Variants in POLR1E observed in about 807,000 individuals in gnomAD.
POLR1E encodes the protein RNA polymerase I subunit E.
Under a neutral mutation model 50.9 loss-of-function variants are expected in POLR1E, and 37 were observed. That is an observed-to-expected ratio of 0.73 (90% CI 0.56 to 0.96). The LOEUF is 0.96. POLR1E is among the 40% of genes least tolerant of loss of function. The probability of loss-of-function intolerance (pLI) is 0.00; values close to 1 mark genes in which losing one functional copy is unlikely to be tolerated. For missense variants in POLR1E, 426 were observed against 518.1 expected (o/e 0.82, Z 1.73); for synonymous variants, 166 against 191.6 (o/e 0.87, Z 1.10).
chr9:37,486,882 G>C, intron 2 of POLR1E, 76 bp downstream of exon 2: 4 of 1,507,260 alleles, frequency 2.7e-6, no homozygotes, highest in Non-Finnish European at 3.5e-6. Flanking sequence ...ATGTGGGAGG[G>C]AGTGAGGGGA....
Position 37,498,184 on chromosome 9 carries a change from C to T in POLR1E, c.846C>T (p.Thr282=), listed in dbSNP as rs369179821. 3.7e-6 allele frequency: 6 copies of T among 1,613,728 alleles called. No individual in the cohort carries two copies. The African/African-American group carries it at 6.7e-5, about 18-fold the overall frequency. ...RQARCIWFLD[T]LIKFRAHRVV... ...CCCGATGCATATGGTTTCTGGATAC[C>T]CTCATCAAATTTCGAGCTCATAGGG... Residue 282 remains threonine (T), a synonymous_variant, in exon 9 of 12, where the codon ACC becomes ACT. Coordinates refer to ENST00000377798, the MANE Select transcript of POLR1E (RefSeq NM_022490.4).
At chr9:37,486,371 C>T (rs1820574702) in intron 1 of POLR1E, 1 of 1,483,590 alleles carries the variant, frequency 6.7e-7, no homozygotes, top group Non-Finnish European at 9.0e-7. Context: ...GACCCCCTCA[C>T]CCACCAGGTC....
At chr9:37,495,421 G>T (rs117190757) in intron 7 of POLR1E, 145 bp downstream of exon 7, 1 of 704,152 alleles carries the variant, frequency 1.4e-6, no homozygotes, top group Non-Finnish European at 2.5e-6. Context: ...CAGTGCTCTT[G>T]CCAGGAGGTT....
Position 37,498,205 on chromosome 9 carries a change from T to C in POLR1E, c.867T>C (p.His289=), listed in dbSNP as rs1820819300. The C allele has an allele frequency of 6.2e-7, 1 of 1,611,252 alleles. No homozygotes were observed. Among genetic ancestry groups the C allele is most frequent in the African/African-American group, 1.3e-5 (1 of 74,822 alleles). Residue 289 remains histidine (H), a synonymous_variant, in exon 9 of 12, where the codon CAT becomes CAC. Coordinates refer to ENST00000377798, the MANE Select transcript of POLR1E (RefSeq NM_022490.4). ...ATACCCTCATCAAATTTCGAGCTCATAGGGTAGTTAAGCGGAAAAGTAAGT... is the reference window on the plus strand; with the variant it reads ...ATACCCTCATCAAATTTCGAGCTCACAGGGTAGTTAAGCGGAAAAGTAAGT... ...FLDTLIKFRA[H]RVVKRKSALG...
intron 5 of POLR1E, among the ~76,000 whole-genome samples, chr9:37,492,962 G>A (rs185726336): frequency 6.6e-6 from 1 of 152,150 alleles, no homozygotes; most frequent in African/African-American, 2.4e-5. Flanking sequence ...CGGTTCTCTG[G>A]GCTGATACAA....
chr9:37,488,140 C>T (rs549437429), intron 3 of POLR1E, among the ~76,000 whole-genome samples: 1 of 152,328 alleles, frequency 6.6e-6, no homozygotes, highest in Non-Finnish European at 1.5e-5. Flanking sequence ...ACTTGAATTT[C>T]CTAAAAACCT....
chr9:37,488,029 T>C (rs1588798162), intron 3 of POLR1E, 90 bp downstream of exon 3: 1 of 1,328,540 alleles, frequency 7.5e-7, no homozygotes, highest in African/African-American at 1.4e-5. Flanking sequence ...GTTTTAAGGG[T>C]AGCAGGAGCC....
intron 9 of POLR1E, among the ~76,000 whole-genome samples, chr9:37,500,031 A>G (rs958707355): frequency 6.6e-5 from 10 of 151,360 alleles, no homozygotes; most frequent in African/African-American, 2.2e-4. Flanking sequence ...TTGTATTTTT[A>G]GTAGAGACGG....
rs1820929663 is a variant in POLR1E, at chr9:37,503,418, G to A, written c.*216G>A. The A allele has an allele frequency of 1.2e-5, 5 of 422,260 alleles. No individual in the cohort carries two copies. The highest frequency in any genetic ancestry group is 2.1e-5 in the African/African-American group (1 of 47,452). The allele number at this position is 422,260 out of a possible 1,614,324, so 26.2% of individuals were successfully genotyped here. ...ATAGGGAGACCCCATCTCTACCGGA[G>A]GAAAAAAAAAAGAGTCAGGCCTGGT... On this transcript the variant is annotated 3_prime_UTR_variant, in exon 12 of 12. Transcript: ENST00000377798.
In POLR1E at chr9:37,498,156, A is replaced by T. The variant is rs764022316; in HGVS notation, c.818A>T (p.Gln273Leu). The T allele has an allele frequency of 6.2e-7, 1 of 1,614,076 alleles. No individual in the cohort carries two copies. The highest frequency in any genetic ancestry group is 8.5e-7 in the Non-Finnish European group (1 of 1,179,926). The stretch of plus-strand genomic sequence containing the variant: ...TCAGATGTGGAGAGCCGAGACCGCC[A>T]GGCCCGATGCATATGGTTTCTGGAT... ...LPSDVESRDRQARCIWFLDTL... is the reference protein window; with the variant it reads ...LPSDVESRDRLARCIWFLDTL... Residue 273 changes from glutamine to leucine, a missense_variant, in exon 9 of 12, where the codon CAG (glutamine) becomes CTG (leucine). By Grantham distance (113) the Gln-to-Leu change is moderately radical. Coordinates refer to ENST00000377798, the MANE Select transcript of POLR1E (RefSeq NM_022490.4).
At chr9:37,486,261 C>A in intron 1 of POLR1E, 138 bp downstream of exon 1, 1 of 1,276,768 alleles carries the variant, frequency 7.8e-7, no homozygotes, top group Non-Finnish European at 1.1e-6. Flanking sequence ...CTCCCCTGGG[C>A]TCTGTCAGGG....
intron 8 of POLR1E, among the ~76,000 whole-genome samples, chr9:37,496,613 A>ATTTTTTT (rs1321205467): frequency 1.6e-5 from 1 of 63,838 alleles, no homozygotes; most frequent in African/African-American, 9.2e-5. Flanking sequence ...TGGAATTATT[A>ATTTTTTT]TTATTATTTC....
rs769517285 is a variant in POLR1E, at chr9:37,503,224, C to T, written c.*22C>T. The T allele has an allele frequency of 1.6e-5, 25 of 1,574,182 alleles. No individual in the cohort carries two copies. The highest frequency in any genetic ancestry group is 2.0e-5 in the Non-Finnish European group (23 of 1,161,912). On this transcript the variant is annotated 3_prime_UTR_variant, in exon 12 of 12. Transcript: ENST00000377798. Reference sequence around the variant, plus strand: ...CTAGACGCATGCTTTCCAGACAGGGCGTTTTGGCTGCATCACAGCCACTGG... The same window carrying T: ...CTAGACGCATGCTTTCCAGACAGGGTGTTTTGGCTGCATCACAGCCACTGG...
chr9:37,501,443 C>G (rs1820886560), intron 10 of POLR1E, among the ~76,000 whole-genome samples: 1 of 152,218 alleles, frequency 6.6e-6, no homozygotes, highest in South Asian at 2.1e-4. Flanking sequence ...AGGGCCCTCA[C>G]CAGCTCAAAG....
In POLR1E at chr9:37,503,148, G is replaced by C. The variant is rs376240468; in HGVS notation, c.1206G>C (p.Pro402=). 20 of 1,613,470 alleles carry C rather than the reference G, an allele frequency of 1.2e-5. No homozygotes were observed. In the African/African-American group the frequency reaches 2.4e-4, roughly 19 times the overall value. The change falls in exon 12 of 12, where the codon CCG becomes CCC. Residue 402 remains proline, a synonymous_variant. Coordinates refer to ENST00000377798, the MANE Select transcript of POLR1E (RefSeq NM_022490.4). ...ACAAGCTGGGCACCCTGTCCCTCCC[G>C]CTGCCTCCAGCCCAGACCTCAGACC... The part of the protein sequence containing the change: ...EDHKLGTLSL[P]LPPAQTSDRL...
intron 11 of POLR1E, 25 bp downstream of exon 11, chr9:37,501,869 C>T (rs1820897606): frequency 6.2e-7 from 1 of 1,604,704 alleles, no homozygotes; most frequent in African/African-American, 1.3e-5. Context: ...ATAAAGAGCT[C>T]CCTGCAGGGT....
chr9:37,495,507 A>G (rs1325500187), intron 7 of POLR1E, among the ~76,000 whole-genome samples: 2 of 152,176 alleles, frequency 1.3e-5, no homozygotes, highest in Non-Finnish European at 2.9e-5. Context: ...CCAAATGCCC[A>G]CAGCTTAGAC....
chr9:37,492,766 C>T (rs570004788), intron 5 of POLR1E, 51 bp downstream of exon 5: 56 of 1,525,826 alleles, frequency 3.7e-5, no homozygotes, highest in Non-Finnish European at 5.0e-5. Flanking sequence ...TCCTTCTACA[C>T]CTCGGGTTTC....
At chr9:37,490,828 A>G (rs1455014438) in intron 4 of POLR1E, 9 of 587,106 alleles carry the variant, frequency 1.5e-5, no homozygotes, top group Non-Finnish European at 2.3e-5. Context: ...GAACAACTCC[A>G]TGTTTTCTAA....
Sources: gnomAD v4.1 joint callset for allele counts (sites outside exome capture counted in the v4.1 genomes callset) on GRCh38, gnomAD v4.1.1 for gene constraint, MANE v1.5 for transcripts, NCBI Gene and HGNC (gene_info 2026-07-23, HGNC 2026-07-21) for gene names.